The following NAALADL2 variants were observed in gnomAD, a reference collection of about 807,000 sequenced individuals.
NAALADL2 encodes N-acetylated alpha-linked acidic dipeptidase like 2.
Under a neutral mutation model 87.2 loss-of-function variants are expected in NAALADL2, and 76 were observed. That is an observed-to-expected ratio of 0.87 (90% CI 0.72 to 1.05). The LOEUF (loss-of-function observed/expected upper bound fraction) is 1.05, where lower values mean the gene tolerates loss of function less well. Among genes scored for constraint, NAALADL2 ranks in the 50% least tolerant of loss-of-function variants. The probability of loss-of-function intolerance (pLI) is 0.00; values close to 1 mark genes in which losing one functional copy is unlikely to be tolerated. For missense variants in NAALADL2, 1,089 were observed against 945.8 expected, an observed-to-expected ratio of 1.15 and a Z score of -1.99; for synonymous variants, 354 against 331.0, an observed-to-expected ratio of 1.07 and a Z score of -0.75.
At chr3:175,011,312 G>C (rs1303557166) in intron 1 of NAALADL2, among the ~76,000 whole-genome samples, 1 of 150,722 alleles carries the variant, frequency 6.6e-6, no homozygotes, top group Non-Finnish European at 1.5e-5. Context: ...GAGAGAGAGA[G>C]AGAGAGAGAC....
chr3:175,480,678 C>T (rs995770959), intron 9 of NAALADL2, among the ~76,000 whole-genome samples: 2 of 151,740 alleles, frequency 1.3e-5, no homozygotes, highest in African/African-American at 4.8e-5. Context: ...TTTATACAGA[C>T]TTCTAAAATA....
At chr3:174,798,257 T>C (rs1718377640) in intron 3 of NAALADL2, among the ~76,000 whole-genome samples, 1 of 152,232 alleles carries the variant, frequency 6.6e-6, no homozygotes, top group African/African-American at 2.4e-5. Context: ...TGTAGCTTTG[T>C]AGTTTTGTTG....
At position 175,805,694 on chromosome 3, in the gene NAALADL2, A is replaced by G. The variant is rs1208503312; in HGVS notation, c.*2491A>G. ...GGTTTAAGCTGTTGCTGAGTCGTCT[A>G]TATGCCTGGTACTTCTCACAATCTT... On this transcript the variant is annotated 3_prime_UTR_variant, in exon 14 of 14. Coordinates refer to ENST00000454872, the MANE Select transcript of NAALADL2 (RefSeq NM_207015.3). 2 of 151,874 alleles carry G rather than the reference A, an allele frequency of 1.3e-5. No individual in the cohort carries two copies. The highest frequency in any genetic ancestry group is 4.8e-5 in the African/African-American group (2 of 41,400). The allele number at this position is 151,874 out of a possible 1,614,324, so 9.4% of individuals were successfully genotyped here. A position where few individuals can be genotyped will look rare whatever the true frequency, so the allele number is the denominator to read the frequency against.
At chr3:175,094,960 C>T (rs907110690) in intron 1 of NAALADL2, among the ~76,000 whole-genome samples, 5 of 152,038 alleles carry the variant, frequency 3.3e-5, no homozygotes, top group Non-Finnish European at 5.9e-5. Flanking sequence ...TATGTGAATG[C>T]ATCCTGATGA....
intron 2 of NAALADL2, among the ~76,000 whole-genome samples, chr3:174,706,419 C>T (rs1730074103): frequency 1.3e-5 from 2 of 152,104 alleles, no homozygotes; most frequent in African/African-American, 4.8e-5. Context: ...AAATTTGATA[C>T]CAAAAGCACA....
chr3:175,329,612 A>C (rs921757783), intron 5 of NAALADL2, among the ~76,000 whole-genome samples: 2 of 152,166 alleles, frequency 1.3e-5, no homozygotes, highest in African/African-American at 4.8e-5. Context: ...CACAGTATGA[A>C]TATCTGTCAC....
chr3:175,118,144 G>T (rs1321272656), intron 2 of NAALADL2, among the ~76,000 whole-genome samples: 1 of 151,680 alleles, frequency 6.6e-6, no homozygotes, highest in Admixed American at 6.6e-5. Flanking sequence ...GTCATTAGGA[G>T]ATATACCTAA....
chr3:175,774,369 T>C (rs1749926904), intron 13 of NAALADL2, among the ~76,000 whole-genome samples: 1 of 152,064 alleles, frequency 6.6e-6, no homozygotes, highest in Non-Finnish European at 1.5e-5. Context: ...AAATACATTG[T>C]TATTTCAGAC....
chr3:175,303,410 T>A (rs935019117), intron 4 of NAALADL2, among the ~76,000 whole-genome samples: 5 of 152,164 alleles, frequency 3.3e-5, no homozygotes, highest in African/African-American at 9.7e-5. Context: ...AGTAGCTTCA[T>A]ACTTTAAGAA....
intron 2 of NAALADL2, among the ~76,000 whole-genome samples, chr3:174,735,805 C>G (rs1012216868): frequency 2.6e-5 from 4 of 152,158 alleles, no homozygotes; most frequent in Non-Finnish European, 5.9e-5. Context: ...GTTTGGAAAC[C>G]TCTGGCCAGC....
At chr3:174,903,684 T>C (rs1264354810) in intron 1 of NAALADL2, among the ~76,000 whole-genome samples, 1 of 151,894 alleles carries the variant, frequency 6.6e-6, no homozygotes, top group African/African-American at 2.4e-5. Context: ...AATTCACTGG[T>C]AAAAACAAAA....
chr3:175,043,764 G>C (rs1211163290), intron 1 of NAALADL2, among the ~76,000 whole-genome samples: 1 of 152,072 alleles, frequency 6.6e-6, no homozygotes, highest in East Asian at 1.9e-4. Context: ...GTACCATACT[G>C]TTTCAATTAC....
At chr3:175,106,757 T>C (rs16824015) in intron 2 of NAALADL2, among the ~76,000 whole-genome samples, 18,958 of 152,032 alleles carry the variant, frequency 0.12, 1,432 homozygotes, top group East Asian at 0.33. Flanking sequence ...ACGTGGTCCT[T>C]TGAAATTTGC....
At chr3:174,587,897 T>C (rs1182677093) in intron 2 of NAALADL2, among the ~76,000 whole-genome samples, 1 of 152,162 alleles carries the variant, frequency 6.6e-6, no homozygotes, top group Non-Finnish European at 1.5e-5. Context: ...GCGTTCTCTG[T>C]ATTTCCTGAA....
intron 1 of NAALADL2, among the ~76,000 whole-genome samples, chr3:174,876,493 A>G (rs1728527918): frequency 6.6e-6 from 1 of 152,196 alleles, no homozygotes; most frequent in South Asian, 2.1e-4. Context: ...GTAATGGTAG[A>G]ATTATACGCA....
chr3:174,675,499 A>T (rs796211526), intron 2 of NAALADL2, among the ~76,000 whole-genome samples: 4 of 152,196 alleles, frequency 2.6e-5, no homozygotes, highest in African/African-American at 9.6e-5. Context: ...TGCTGCAGTA[A>T]TTGTGTGCTC....
At chr3:174,797,298 C>CTTTTTTTTTTTGTTTTTT (rs765233495) in intron 3 of NAALADL2, among the ~76,000 whole-genome samples, 1 of 97,728 alleles carries the variant, frequency 1.0e-5, no homozygotes, top group Non-Finnish European at 1.9e-5. Flanking sequence ...TTTTGTTTTT[C>CTTTTTTTTTTTGTTTTTT]TTTTTTCTTT....
At chr3:174,649,170 G>T (rs547024360) in intron 2 of NAALADL2, among the ~76,000 whole-genome samples, 48 of 151,728 alleles carry the variant, frequency 3.2e-4, no homozygotes, top group East Asian at 2.1e-3. Context: ...CACCATGTTG[G>T]CCAGGCTGGT....
intron 1 of NAALADL2, among the ~76,000 whole-genome samples, chr3:175,037,379 A>G (rs1175308728): frequency 6.6e-6 from 1 of 152,096 alleles, no homozygotes; most frequent in East Asian, 1.9e-4. Flanking sequence ...GGAGAACCAA[A>G]GAGATGAGAA....
Sources: gnomAD v4.1 joint callset for allele counts (sites outside exome capture counted in the v4.1 genomes callset) on GRCh38, gnomAD v4.1.1 for gene constraint, MANE v1.5 for transcripts, NCBI Gene and HGNC (gene_info 2026-07-23, HGNC 2026-07-21) for gene names.